Variants in JAKMIP1 observed in about 807,000 individuals in gnomAD.
JAKMIP1 encodes janus kinase and microtubule-interacting protein 1.
Under a neutral mutation model 113.0 loss-of-function variants are expected in JAKMIP1, and 33 were observed. That is an observed-to-expected ratio of 0.29 (90% CI 0.22 to 0.39). The LOEUF (loss-of-function observed/expected upper bound fraction) is 0.39, where lower values mean the gene tolerates loss of function less well. Ranked by LOEUF, JAKMIP1 falls within the 10% of genes least tolerant of loss-of-function variation. The probability of loss-of-function intolerance (pLI) is 1.00; values close to 1 mark genes in which losing one functional copy is unlikely to be tolerated. For missense variants in JAKMIP1, 813 were observed against 1,080.5 expected, an observed-to-expected ratio of 0.75 and a Z score of 3.47; for synonymous variants, 480 against 459.9, an observed-to-expected ratio of 1.04 and a Z score of -0.56.
Position 6,120,517 on chromosome 4 carries a change from C to T in JAKMIP1, c.-147-7520G>A, listed in dbSNP as rs561289930. Among the ~76,000 whole-genome samples, 3 of 152,312 alleles carry T rather than the reference C, an allele frequency of 2.0e-5. No individual in the cohort carries two copies. In the South Asian group the frequency reaches 6.2e-4, roughly 32 times the overall value. ...AAAGGCACATCAGCCCACTCAGAAA[C>T]AGCCCAGGCAGAGACAGGGAGGGAG... On this transcript the variant is annotated intron_variant, in intron 1 of 20. Coordinates refer to ENST00000409021, the MANE Select transcript of JAKMIP1 (RefSeq NM_001099433.2).
At position 6,067,980 on chromosome 4, in the gene JAKMIP1, A is replaced by G. The variant is rs565558392; in HGVS notation, c.1303-2972T>C. 6.6e-6 allele frequency among the ~76,000 whole-genome samples: 1 copy of G among 152,366 alleles called. No individual in the cohort carries two copies. Among genetic ancestry groups the G allele is most frequent in the East Asian group, 1.9e-4 (1 of 5,186 alleles). ...TTGTTGCTGTAGCCCAGGAAGCATC[A>G]TCAAGTTACACACTTTCCAAACATT... On this transcript the variant is annotated intron_variant, in intron 8 of 20. Transcript: ENST00000409021. The surrounding 1 kb of genome is among the most constrained non-coding windows in gnomAD (Gnocchi z 4.6).
At chr4:6,060,633 C>T (rs2108783424) in intron 10 of JAKMIP1, 126 bp from the exon 11 acceptor site, 2 of 720,132 alleles carry the variant, frequency 2.8e-6, no homozygotes, top group Non-Finnish European at 5.0e-6. Context: ...AACAGGTTCA[C>T]TTTTAGGAGC....
chr4:6,158,552 G>T lies in JAKMIP1; in HGVS notation c.-148+41701C>A, dbSNP rs4234721. 1.4e-4 allele frequency among the ~76,000 whole-genome samples: 22 copies of T among 152,120 alleles called. No individual in the cohort carries two copies. The highest frequency in any genetic ancestry group is 3.9e-4 in the African/African-American group (16 of 41,436). On this transcript the variant is annotated intron_variant, in intron 1 of 20. Coordinates refer to ENST00000409021, the MANE Select transcript of JAKMIP1 (RefSeq NM_001099433.2). This position sits in a 1 kb window ranked among gnomAD's most constrained non-coding sequence, Gnocchi z 5.3. The stretch of plus-strand genomic sequence containing the variant: ...TGGAACATGATTCACTGGAAAGAAA[G>T]GATGAGGTATTCCAGAGGGCCTGCG...
chr4:6,197,047 A>G lies in JAKMIP1; in HGVS notation c.-148+3206T>C, dbSNP rs1324106745. ...AGACTTGGCTCCCTCTGCGGTGTTC[A>G]CGTAGACCTCACCCTGTGTGGTGCC... On this transcript the variant is annotated intron_variant, in intron 1 of 20. Transcript: ENST00000409021. The surrounding 1 kb of genome is among the most constrained non-coding windows in gnomAD (Gnocchi z 6.5). Among the ~76,000 whole-genome samples the G allele has an allele frequency of 6.6e-6, 1 of 152,144 alleles. No individual in the cohort carries two copies. Among genetic ancestry groups the G allele is most frequent in the Non-Finnish European group, 1.5e-5 (1 of 68,028 alleles).
chr4:6,145,622 T>C (rs914531528), intron 1 of JAKMIP1, among the ~76,000 whole-genome samples: 3 of 152,142 alleles, frequency 2.0e-5, no homozygotes, highest in African/African-American at 7.2e-5. Flanking sequence ...AGCCAAGAGG[T>C]GGAAACAACC....
chr4:6,044,559 T>C lies in JAKMIP1; in HGVS notation c.2029-2332A>G, dbSNP rs1387387763. The stretch of plus-strand genomic sequence containing the variant: ...GTGGTTTCTTAGAAACAGATAAGCA[T>C]ATTTTGGATGGGGAGTTACAGGTAT... On this transcript the variant is annotated intron_variant, in intron 16 of 20. Coordinates refer to ENST00000409021, the MANE Select transcript of JAKMIP1 (RefSeq NM_001099433.2). This position sits in a 1 kb window ranked among gnomAD's most constrained non-coding sequence, Gnocchi z 4.4. Among the ~76,000 whole-genome samples the C allele has an allele frequency of 6.6e-6, 1 of 152,162 alleles. No homozygotes were observed. Among genetic ancestry groups the C allele is most frequent in the East Asian group, 1.9e-4 (1 of 5,180 alleles).
At chr4:6,053,930 C>A in intron 13 of JAKMIP1, 120 bp downstream of exon 13, 2 of 1,543,822 alleles carry the variant, frequency 1.3e-6, no homozygotes, top group East Asian at 2.3e-5. Context: ...AAGAAAGAAA[C>A]TATAACATGT....
At position 6,180,652 on chromosome 4, in the gene JAKMIP1, T is replaced by C. The variant is rs1204259170; in HGVS notation, c.-148+19601A>G. On this transcript the variant is annotated intron_variant, in intron 1 of 20. Transcript: ENST00000409021. This position sits in a 1 kb window ranked among gnomAD's most constrained non-coding sequence, Gnocchi z 4.5. ...TGCAGCCCTGTGACAAGGGTATTCT[T>C]AGTACCCCCATTTTAATGGACCAGC... Among the ~76,000 whole-genome samples the C allele has an allele frequency of 6.6e-6, 1 of 152,190 alleles. No homozygotes were observed.
rs138677413 is a variant in JAKMIP1, at chr4:6,143,767, A to T, written c.-147-30770T>A. On this transcript the variant is annotated intron_variant, in intron 1 of 20. Transcript: ENST00000409021. The surrounding 1 kb of genome is among the most constrained non-coding windows in gnomAD (Gnocchi z 4.9). ...CAAGTCCTCTGAGTGATTCTAACAC[A>T]CGCTGCTCTAGAACAGTTTTTTATT... 6.6e-6 allele frequency among the ~76,000 whole-genome samples: 1 copy of T among 152,340 alleles called. No individual in the cohort carries two copies. The highest frequency in any genetic ancestry group is 2.4e-5 in the African/African-American group (1 of 41,578).
chr4:6,040,204 A>G lies in JAKMIP1; in HGVS notation c.2175+435T>C, dbSNP rs1236958802. 6.6e-6 allele frequency among the ~76,000 whole-genome samples: 1 copy of G among 152,110 alleles called. No individual in the cohort carries two copies. The highest frequency in any genetic ancestry group is 1.5e-5 in the Non-Finnish European group (1 of 68,030). ...CAACCCAAATGCAGTATTACATCCG[A>G]CCTTATACCTCGTCCCTTCGGTTCT... On this transcript the variant is annotated intron_variant, in intron 18 of 20. Transcript: ENST00000409021. The surrounding 1 kb of genome is among the most constrained non-coding windows in gnomAD (Gnocchi z 5.8).
At chr4:6,111,492 T>C (rs902310634) in intron 2 of JAKMIP1, among the ~76,000 whole-genome samples, 2 of 152,232 alleles carry the variant, frequency 1.3e-5, no homozygotes, top group Admixed American at 6.5e-5. Flanking sequence ...CAGATGTTGA[T>C]GGGGCTTTTT....
chr4:6,151,823 AGATTAT>A (rs1721603010), intron 1 of JAKMIP1, among the ~76,000 whole-genome samples: 1 of 152,182 alleles, frequency 6.6e-6, no homozygotes, highest in African/African-American at 2.4e-5. Context: ...CTGTAAAATG[AGATTAT>A]CCAATAACCA....
At chr4:6,104,520 C>CTT (rs1334000188) in intron 3 of JAKMIP1, among the ~76,000 whole-genome samples, 1 of 152,244 alleles carries the variant, frequency 6.6e-6, no homozygotes, top group Admixed American at 6.5e-5. Flanking sequence ...CACAGTGTAT[C>CTT]TTTCCCCATC....
At position 6,116,747 on chromosome 4, in the gene JAKMIP1, G is replaced by A. The variant is rs1715847652; in HGVS notation, c.-147-3750C>T. ...TGCAGGAGGACCAGACAAGGTCCCA[G>A]CCATCACAGAACGGTCTAGTCAGGA... On this transcript the variant is annotated intron_variant, in intron 1 of 20. Coordinates refer to ENST00000409021, the MANE Select transcript of JAKMIP1 (RefSeq NM_001099433.2). The surrounding 1 kb of genome is among the most constrained non-coding windows in gnomAD (Gnocchi z 5.1). Among the ~76,000 whole-genome samples the A allele has an allele frequency of 6.6e-6, 1 of 152,192 alleles. No homozygotes were observed. The highest frequency in any genetic ancestry group is 1.5e-5 in the Non-Finnish European group (1 of 68,036).
intron 8 of JAKMIP1, among the ~76,000 whole-genome samples, chr4:6,072,009 C>G (rs570275191): frequency 6.6e-6 from 1 of 152,378 alleles, no homozygotes; most frequent in South Asian, 2.1e-4. Flanking sequence ...CTGAGTCATG[C>G]AAGAAGCTGC....
At chr4:6,045,629 T>C (rs1186380657) in intron 16 of JAKMIP1, among the ~76,000 whole-genome samples, 1 of 152,188 alleles carries the variant, frequency 6.6e-6, no homozygotes, top group Non-Finnish European at 1.5e-5. Flanking sequence ...TCCCAGCACT[T>C]TGGGAGGCCA....
At position 6,191,977 on chromosome 4, in the gene JAKMIP1, G is replaced by A. The variant is rs1033391293; in HGVS notation, c.-148+8276C>T. ...GATGGAGTTTCGCTCTTGTCACCCA[G>A]GCTGGAGTGCAATGGCCCAATCTTG... On this transcript the variant is annotated intron_variant, in intron 1 of 20. Transcript: ENST00000409021. Among the ~76,000 whole-genome samples, 36 of 130,194 alleles carry A rather than the reference G, an allele frequency of 2.8e-4. 1 individual carries two copies. Among genetic ancestry groups the A allele is most frequent in the Admixed American group, 2.6e-3 (33 of 12,642 alleles). 85.4% of individuals were successfully genotyped at this position (130,194 alleles called of 152,430 possible).
At position 6,167,929 on chromosome 4, in the gene JAKMIP1, T is replaced by C. The variant is rs1482475693; in HGVS notation, c.-148+32324A>G. 6.6e-6 allele frequency among the ~76,000 whole-genome samples: 1 copy of C among 152,174 alleles called. No homozygotes were observed. Among genetic ancestry groups the C allele is most frequent in the African/African-American group, 2.4e-5 (1 of 41,444 alleles). Reference sequence around the variant, plus strand: ...GCCAGATCGCTGCACCAGTGAGACTTTGTCTCCCAGAGCTGACAGCATGCA... The same window carrying C: ...GCCAGATCGCTGCACCAGTGAGACTCTGTCTCCCAGAGCTGACAGCATGCA... On this transcript the variant is annotated intron_variant, in intron 1 of 20. Coordinates refer to ENST00000409021, the MANE Select transcript of JAKMIP1 (RefSeq NM_001099433.2). The surrounding 1 kb of genome is among the most constrained non-coding windows in gnomAD (Gnocchi z 5.3).
intron 1 of JAKMIP1, among the ~76,000 whole-genome samples, chr4:6,166,980 A>T (rs770231317): frequency 1.8e-4 from 27 of 150,966 alleles, no homozygotes; most frequent in Non-Finnish European, 3.7e-4. Context: ...TCTGATCGTC[A>T]TTCAGAATAG....
Sources: gnomAD v4.1 joint callset for allele counts (sites outside exome capture counted in the v4.1 genomes callset) on GRCh38, gnomAD v4.1.1 for gene constraint, Gnocchi (gnomAD v3.1) non-coding constraint, MANE v1.5 for transcripts, NCBI Gene and HGNC (gene_info 2026-07-23, HGNC 2026-07-21) for gene names.